The following DDI2 variants were observed in gnomAD, a reference collection of about 807,000 sequenced individuals.
DDI2 encodes protein DDI1 homolog 2.
Under a neutral mutation model 48.1 loss-of-function variants are expected in DDI2, and 5 were observed. The ratio of observed to expected loss-of-function variants is 0.10; its 90% CI spans 0.05 to 0.22. The LOEUF (loss-of-function observed/expected upper bound fraction) is 0.22, where lower values mean the gene tolerates loss of function less well. Among genes scored for constraint, DDI2 ranks in the 10% least tolerant of loss-of-function variants. The pLI is 1.00. For synonymous variants in DDI2, 205 were observed against 183.6 expected, an observed-to-expected ratio of 1.12 and a Z score of -0.94; for missense variants, 285 against 506.2, an observed-to-expected ratio of 0.56 and a Z score of 4.19.
Position 15,633,585 on chromosome 1 carries a change from A to G in DDI2, c.632+20A>G. 6.2e-7 allele frequency: 1 copy of G among 1,608,024 alleles called. No individual in the cohort carries two copies. ...TATAAGGTAAAGACCTGTTCATCTA[A>G]AGAACAAAACTTAGAGACTCCAGAT... On this transcript the variant is annotated intron_variant, in intron 4 of 9. Transcript: ENST00000480945.
intron 6 of DDI2, among the ~76,000 whole-genome samples, chr1:15,648,834 C>CAAAAA (rs36082177): frequency 9.4e-5 from 9 of 95,936 alleles, no homozygotes; most frequent in African/African-American, 2.2e-4. Context: ...GACCCTGTCT[C>CAAAAA]AAAAAAAAAA....
At chr1:15,625,348 A>C (rs1484198674) in intron 1 of DDI2, among the ~76,000 whole-genome samples, 3 of 152,168 alleles carry the variant, frequency 2.0e-5, no homozygotes, top group African/African-American at 7.2e-5. Flanking sequence ...GTGAAAAATC[A>C]TTAGGAGGAA....
At chr1:15,623,387 C>CTTTTTTTTTTTTTTT (rs777821777) in intron 1 of DDI2, among the ~76,000 whole-genome samples, 2 of 107,516 alleles carry the variant, frequency 1.9e-5, no homozygotes, top group African/African-American at 3.8e-5. Context: ...TTTTCTTCTT[C>CTTTTTTTTTTTTTTT]TTTTTTTTTT....
At chr1:15,643,905 C>G (rs1416689735) in intron 6 of DDI2, among the ~76,000 whole-genome samples, 1 of 151,964 alleles carries the variant, frequency 6.6e-6, no homozygotes, top group African/African-American at 2.4e-5. Context: ...AAATATAATC[C>G]CTTTCCGTCA....
intron 4 of DDI2, among the ~76,000 whole-genome samples, chr1:15,634,636 G>A (rs1466799013): frequency 7.0e-6 from 1 of 143,312 alleles, no homozygotes; most frequent in African/African-American, 2.6e-5. Context: ...CGAGACTGAG[G>A]TGTTCTCACC....
rs1201647951 is a variant in DDI2, at chr1:15,651,722, A to C, written c.1010A>C (p.Lys337Thr). Reference protein sequence around the residue: ...LKRHQCSIDLKKNVLVIGTTG... With the variant: ...LKRHQCSIDLTKNVLVIGTTG... The stretch of plus-strand genomic sequence containing the variant: ...TCTTCCAAGTGTTCCATCGACCTGA[A>C]GAAAAATGTACTCGTGATCGGCACC... Residue 337 changes from lysine (K) to threonine (T), a missense_variant, in exon 8 of 10, where the codon AAG (lysine) becomes ACG (threonine). Around this residue, in one of 3 missense-constraint regions of DDI2, gnomAD observed 66 missense variants for 87.3 expected, o/e 0.76. Coordinates refer to ENST00000480945, the MANE Select transcript of DDI2 (RefSeq NM_032341.5). The C allele has an allele frequency of 6.2e-7, 1 of 1,607,254 alleles. No homozygotes were observed. Among genetic ancestry groups the C allele is most frequent in the Admixed American group, 1.7e-5 (1 of 57,894 alleles).
intron 7 of DDI2, among the ~76,000 whole-genome samples, chr1:15,650,688 A>G (rs752587518): frequency 2.6e-5 from 4 of 152,156 alleles, no homozygotes; most frequent in Non-Finnish European, 4.4e-5. Context: ...AGATTGTGCC[A>G]CTACACTTCA....
At chr1:15,640,644 C>G (rs949249523) in intron 5 of DDI2, among the ~76,000 whole-genome samples, 1 of 152,200 alleles carries the variant, frequency 6.6e-6, no homozygotes, top group African/African-American at 2.4e-5. Context: ...GAAAGGGGCC[C>G]TTCTCATCCT....
chr1:15,652,415 C>T (rs569166453), intron 8 of DDI2, among the ~76,000 whole-genome samples: 2 of 128,444 alleles, frequency 1.6e-5, no homozygotes, highest in African/African-American at 5.8e-5. Flanking sequence ...TGGTGGCTCA[C>T]GCCTGTTAAT....
intron 6 of DDI2, among the ~76,000 whole-genome samples, chr1:15,646,817 T>C (rs1262025414): frequency 6.6e-6 from 1 of 152,240 alleles, no homozygotes; most frequent in East Asian, 1.9e-4. Context: ...TGTTTTCTTC[T>C]TCCATTATCC....
At chr1:15,651,683 T>C in intron 7 of DDI2, 23 bp from the exon 8 acceptor site, 6 of 1,583,430 alleles carry the variant, frequency 3.8e-6, no homozygotes, top group East Asian at 2.2e-5. Context: ...TCTGCTATTA[T>C]TCTTTGGTTT....
intron 1 of DDI2, among the ~76,000 whole-genome samples, chr1:15,618,137 G>C (rs568247399): frequency 6.6e-6 from 1 of 152,246 alleles, no homozygotes; most frequent in African/African-American, 2.4e-5. Context: ...TTCTAATCCC[G>C]AGTGTAGGAT....
chr1:15,656,326 C>T (rs563257453), intron 8 of DDI2: 1 of 1,072,284 alleles, frequency 9.3e-7, no homozygotes, highest in African/African-American at 1.6e-5. Flanking sequence ...GATCTACTTT[C>T]TTCACCTGTC....
At chr1:15,630,210 T>C (rs1639821051) in intron 2 of DDI2, 115 bp from the exon 3 acceptor site, 1 of 920,426 alleles carries the variant, frequency 1.1e-6, no homozygotes, top group Non-Finnish European at 1.7e-6. Context: ...GGTTAAAGTC[T>C]ACAGTTACCT....
At chr1:15,637,044 A>G (rs1260548376) in intron 4 of DDI2, among the ~76,000 whole-genome samples, 3 of 152,216 alleles carry the variant, frequency 2.0e-5, no homozygotes, top group Non-Finnish European at 4.4e-5. Flanking sequence ...CCGCTGACCT[A>G]GTTTCCATTA....
Position 15,617,552 on chromosome 1 carries a change from GCGAA to G in DDI2, c.-115_-112del. Reference sequence around the variant, plus strand: ...CGTGTGTGAGGGAGGGAGCGAGCGAGCGAACGAGCAGCCGGCGCCGTCCTCCCGC... The same window carrying G: ...CGTGTGTGAGGGAGGGAGCGAGCGAGCGAGCAGCCGGCGCCGTCCTCCCGC... On this transcript the variant is annotated 5_prime_UTR_variant, in exon 1 of 10. Transcript: ENST00000480945. 1 of 818,736 alleles carries G rather than the reference GCGAA, an allele frequency of 1.2e-6. No individual in the cohort carries two copies. The highest frequency in any genetic ancestry group is 1.8e-5 in the African/African-American group (1 of 55,724). 50.7% of individuals were successfully genotyped at this position (818,736 alleles called of 1,614,324 possible). A position where few individuals can be genotyped will look rare whatever the true frequency, so the allele number is the denominator to read the frequency against.
At chr1:15,653,860 C>A (rs965345002) in intron 8 of DDI2, among the ~76,000 whole-genome samples, 2 of 152,076 alleles carry the variant, frequency 1.3e-5, no homozygotes, top group Non-Finnish European at 2.9e-5. Flanking sequence ...TGTCATCAGG[C>A]CATATTAGCA....
chr1:15,643,156 G>A (rs1210582435), intron 5 of DDI2, among the ~76,000 whole-genome samples: 1 of 152,178 alleles, frequency 6.6e-6, no homozygotes, highest in Non-Finnish European at 1.5e-5. Context: ...ATCGTTTGAA[G>A]CCAGGAGGCG....
At chr1:15,650,438 A>G (rs534590885) in intron 7 of DDI2, among the ~76,000 whole-genome samples, 2 of 152,126 alleles carry the variant, frequency 1.3e-5, no homozygotes, top group Non-Finnish European at 2.9e-5. Flanking sequence ...CATTTTTCAC[A>G]GTAGGGTTTT....
Sources: gnomAD v4.1 joint callset for allele counts (sites outside exome capture counted in the v4.1 genomes callset) on GRCh38, gnomAD v4.1.1 for gene constraint, gnomAD v4.1.1 regional missense constraint, MANE v1.5 for transcripts, NCBI Gene and HGNC (gene_info 2026-07-23, HGNC 2026-07-21) for gene names.